RAD51B: variants seen among roughly 807,000 people sequenced by gnomAD.
RAD51B encodes the protein DNA repair protein RAD51 homolog 2.
RAD51B carries 38 observed loss-of-function variants against 42.2 expected under a neutral mutation model. The observed-to-expected ratio is 0.90, with a 90% CI of 0.70 to 1.18. The LOEUF is 1.18. Ranked by LOEUF, RAD51B falls within the 50% of genes most tolerant of loss-of-function variation. RAD51B has a pLI of 0.00. For synonymous variants in RAD51B, 154 were observed against 145.2 expected (o/e 1.06, Z -0.43); for missense variants, 373 against 400.7 (o/e 0.93, Z 0.59).
At chr14:68,531,983 TCAAAAA>T (rs1025986671) in intron 10 of RAD51B, among the ~76,000 whole-genome samples, 1 of 152,136 alleles carries the variant, frequency 6.6e-6, no homozygotes, top group African/African-American at 2.4e-5. Context: ...AGACCCTATC[TCAAAAA>T]CAAATAAAAA....
intron 10 of RAD51B, among the ~76,000 whole-genome samples, chr14:68,548,289 C>G (rs1303146055): frequency 6.6e-6 from 1 of 152,232 alleles, no homozygotes; most frequent in Non-Finnish European, 1.5e-5. Context: ...TCACTTGCCC[C>G]CAGGGCCCAT....
rs115109155 is a variant in RAD51B at position 68,338,413 on chromosome 14, A to G, written c.853+46433A>G. On this transcript the variant is annotated intron_variant, in intron 8 of 10. Coordinates refer to ENST00000471583, the MANE Select transcript of RAD51B (RefSeq NM_133510.4). ...GCTGCTGCTGAGCACATGGCCAAAC[A>G]TGGTGCATCCTCATTACCCACATTT... 7.4e-3 allele frequency among the ~76,000 whole-genome samples: 1,126 copies of G among 152,246 alleles called. 10 individuals are homozygous for G. Among genetic ancestry groups the G allele is most frequent in the African/African-American group, 0.024 (981 of 41,526 alleles).
At chr14:68,391,181 T>TCTTTCTTC (rs749209815) in intron 8 of RAD51B, among the ~76,000 whole-genome samples, 1 of 147,800 alleles carries the variant, frequency 6.8e-6, no homozygotes, top group Non-Finnish European at 1.5e-5. Context: ...TTTCTTTCTT[T>TCTTTCTTC]CTTCTTTCCT....
chr14:67,868,115 C>T (rs917118060), intron 5 of RAD51B, among the ~76,000 whole-genome samples: 9 of 152,192 alleles, frequency 5.9e-5, no homozygotes, highest in African/African-American at 1.9e-4. Flanking sequence ...CTCTGGTCTA[C>T]AGCTCCCAGC....
chr14:67,989,324 GT>G (rs1162081495), intron 7 of RAD51B, among the ~76,000 whole-genome samples: 1 of 152,114 alleles, frequency 6.6e-6, no homozygotes, highest in Admixed American at 6.5e-5. Context: ...GAATTAATGG[GT>G]TTTGACCTTG....
intron 10 of RAD51B, among the ~76,000 whole-genome samples, chr14:68,577,521 G>A (rs539130532): frequency 8.7e-5 from 13 of 149,934 alleles, no homozygotes; most frequent in Admixed American, 4.6e-4. Flanking sequence ...AAAAAAAAAT[G>A]GAATCCTAGG....
intron 10 of RAD51B, among the ~76,000 whole-genome samples, chr14:68,572,621 C>T (rs1271859505): frequency 1.3e-5 from 2 of 152,086 alleles, no homozygotes; most frequent in South Asian, 2.1e-4. Context: ...CCCCACGGCT[C>T]ACCTGCCAAA....
intron 10 of RAD51B, among the ~76,000 whole-genome samples, chr14:68,483,430 T>C (rs571140217): frequency 6.6e-6 from 1 of 152,322 alleles, no homozygotes; most frequent in African/African-American, 2.4e-5. Flanking sequence ...GAAAGACCAG[T>C]TAACTCTGGG....
chr14:68,257,061 A>G (rs965809818), intron 7 of RAD51B, among the ~76,000 whole-genome samples: 2 of 152,348 alleles, frequency 1.3e-5, no homozygotes, highest in East Asian at 1.9e-4. Flanking sequence ...TAAAACATGG[A>G]TGGACTTTGA....
Position 68,549,605 on chromosome 14 carries a change from G to A in RAD51B, c.1037-44880G>A, listed in dbSNP as rs1466282170. Among the ~76,000 whole-genome samples, 12 of 150,392 alleles carry A rather than the reference G, an allele frequency of 8.0e-5. No homozygotes were observed. In the East Asian group the frequency reaches 2.3e-3, roughly 29 times the overall value. On this transcript the variant is annotated intron_variant, in intron 10 of 10. Transcript: ENST00000487270. Reference sequence around the variant, plus strand: ...TAATTTTTGTATTTTTAGTAGAGACGGGGTTTCACCGTGTTAGCCAGGATG... The same window carrying A: ...TAATTTTTGTATTTTTAGTAGAGACAGGGTTTCACCGTGTTAGCCAGGATG...
At chr14:68,068,011 C>A (rs1157511912) in intron 7 of RAD51B, among the ~76,000 whole-genome samples, 1 of 146,908 alleles carries the variant, frequency 6.8e-6, no homozygotes, top group African/African-American at 2.5e-5. Context: ...GAGAATGGGT[C>A]TGATTTCAAC....
chr14:68,099,364 G>T (rs1213635737), intron 7 of RAD51B, among the ~76,000 whole-genome samples: 1 of 152,218 alleles, frequency 6.6e-6, no homozygotes, highest in African/African-American at 2.4e-5. Flanking sequence ...ACCATAATTA[G>T]ATATAGATAC....
intron 7 of RAD51B, among the ~76,000 whole-genome samples, chr14:67,930,296 C>A (rs1013124179): frequency 1.3e-5 from 2 of 150,054 alleles, no homozygotes; most frequent in African/African-American, 4.9e-5. Flanking sequence ...TATTGCTTTA[C>A]CAGTTAGTTT....
chr14:68,148,251 T>G (rs2767361), intron 7 of RAD51B, among the ~76,000 whole-genome samples: 2,425 of 152,366 alleles, frequency 0.016, 50 homozygotes, highest in African/African-American at 0.054. Context: ...TTGGGTTCTT[T>G]CTAGTTTATG....
chr14:68,460,129 T>A (rs1376010745), intron 9 of RAD51B, among the ~76,000 whole-genome samples: 1 of 152,150 alleles, frequency 6.6e-6, no homozygotes, highest in Non-Finnish European at 1.5e-5. Context: ...CAGGAACTCA[T>A]GTAAACTGCC....
At chr14:68,008,666 C>T (rs1294022782) in intron 7 of RAD51B, among the ~76,000 whole-genome samples, 1 of 151,836 alleles carries the variant, frequency 6.6e-6, no homozygotes, top group East Asian at 1.9e-4. Flanking sequence ...GGATTTTCTT[C>T]CTTTGGTTTA....
chr14:67,948,542 G>A (rs1319132809), intron 7 of RAD51B, among the ~76,000 whole-genome samples: 1 of 152,136 alleles, frequency 6.6e-6, no homozygotes, highest in African/African-American at 2.4e-5. Flanking sequence ...TTGCAATAAT[G>A]TGAGTGATAC....
chr14:68,155,384 G>A (rs2078480955), intron 7 of RAD51B, among the ~76,000 whole-genome samples: 1 of 151,958 alleles, frequency 6.6e-6, no homozygotes, highest in African/African-American at 2.4e-5. Context: ...AGTAGAGACG[G>A]GGTTTCACCA....
At chr14:68,540,198 A>C in intron 10 of RAD51B, 9 of 778,944 alleles carry the variant, frequency 1.2e-5, no homozygotes, top group Non-Finnish European at 1.4e-5. Flanking sequence ...TTTTAAATAC[A>C]GGATCTAGAG....
Sources: gnomAD v4.1 joint callset for allele counts (sites outside exome capture counted in the v4.1 genomes callset) on GRCh38, gnomAD v4.1.1 for gene constraint, MANE v1.5 for transcripts, NCBI Gene and HGNC (gene_info 2026-07-23, HGNC 2026-07-21) for gene names.